Variants in MOCS1 observed in about 807,000 individuals in gnomAD.
MOCS1 encodes molybdenum cofactor biosynthesis protein 1.
A neutral mutation model predicts 57.6 loss-of-function variants in MOCS1; 39 were observed. That is an observed-to-expected ratio of 0.68 (90% confidence interval 0.52 to 0.88). The LOEUF is 0.88. Among genes scored for constraint, MOCS1 ranks in the 40% least tolerant of loss-of-function variants. The pLI, the probability that MOCS1 is intolerant of heterozygous loss-of-function variation, is 0.00. For missense variants in MOCS1, 795 were observed against 831.1 expected (o/e 0.96, Z 0.53); for synonymous variants, 334 against 335.7 (o/e 1.00, Z 0.05).
chr6:39,904,607 G>GA lies in MOCS1; in HGVS notation c.*1749dup. 1 of 454,224 alleles carries GA rather than the reference G, an allele frequency of 2.2e-6. No homozygotes were observed. The highest frequency in any genetic ancestry group is 4.4e-6 in the Non-Finnish European group (1 of 226,902). 28.1% of individuals were successfully genotyped at this position (454,224 alleles called of 1,614,324 possible). On this transcript the variant is annotated 3_prime_UTR_variant, in exon 11 of 11. Coordinates refer to ENST00000340692, the MANE Select transcript of MOCS1 (RefSeq NM_001358530.2). ...TAAAGTGTTTAGGGCAGTGGGAGGA[G>GA]AAAATTCTCCAGGTGAATGGGGAAG...
At position 39,927,432 on chromosome 6, in the gene MOCS1, G is replaced by A; in HGVS notation, c.147C>T (p.Phe49=). 6.2e-7 allele frequency: 1 copy of A among 1,612,308 alleles called. No individual in the cohort carries two copies. The highest frequency in any genetic ancestry group is 1.3e-5 in the African/African-American group (1 of 75,052). Residue 49 remains phenylalanine (F), a synonymous_variant, in exon 2 of 11, where the codon TTC becomes TTT. Coordinates refer to ENST00000340692, the MANE Select transcript of MOCS1 (RefSeq NM_001358530.2). The part of the protein sequence containing the change: ...ASEEVSRRRQ[F]LREHAAPFSA... ...AGAAGGGGGCCGCATGCTCCCGCAG[G>A]AACTGCCTCCGCCTGGACACCTCCT...
At chr6:39,919,517 C>CA (rs55990349) in intron 3 of MOCS1, among the ~76,000 whole-genome samples, 1,906 of 146,670 alleles carry the variant, frequency 0.013, 36 homozygotes, top group African/African-American at 0.041. Flanking sequence ...AAAACAGCAA[C>CA]AAAAAAAAAA....
intron 1 of MOCS1, among the ~76,000 whole-genome samples, chr6:39,929,621 G>A (rs76673001): frequency 0.039 from 5,918 of 151,908 alleles, 224 homozygotes; most frequent in Admixed American, 0.1. Context: ...AAACCTGAGA[G>A]CAAGCAGTGT....
intron 10 of MOCS1, 75 bp from the exon 11 acceptor site, chr6:39,907,192 C>T: frequency 1.4e-6 from 2 of 1,444,176 alleles, no homozygotes; most frequent in East Asian, 2.3e-5. Flanking sequence ...ACTCCCCAAC[C>T]CTCTCCCTAT....
chr6:39,927,192 G>A, intron 2 of MOCS1, 137 bp downstream of exon 2: 2 of 1,128,394 alleles, frequency 1.8e-6, no homozygotes, highest in Non-Finnish European at 1.3e-6. Flanking sequence ...ACCTGGCCTG[G>A]TAAGCAAGGG....
At chr6:39,920,043 C>A (rs1296096714) in intron 3 of MOCS1, among the ~76,000 whole-genome samples, 2 of 151,998 alleles carry the variant, frequency 1.3e-5, no homozygotes, top group Non-Finnish European at 2.9e-5. Context: ...GAGATATTCA[C>A]AACATATATA....
rs1402482152 is a variant in MOCS1, at chr6:39,934,317, TC to T, written c.100del (p.Glu34SerfsTer62). ...GAPVTQPCPG[E>X]SARAASEEVS... ...CACCTCCGAGGCAGCTCGCGCGGACTCCCCGGGGCAGGGCTGGGTCACCGGA... is the reference window on the plus strand; with the variant it reads ...CACCTCCGAGGCAGCTCGCGCGGACTCCCGGGGCAGGGCTGGGTCACCGGA... On this transcript the variant is annotated frameshift_variant, in exon 1 of 11. Coordinates refer to ENST00000340692, the MANE Select transcript of MOCS1 (RefSeq NM_001358530.2). LOFTEE classifies it high-confidence loss of function. 1.3e-6 allele frequency: 2 copies of T among 1,546,934 alleles called. No homozygotes were observed. Among genetic ancestry groups the T allele is most frequent in the Admixed American group, 1.9e-5 (1 of 52,324 alleles).
intron 3 of MOCS1, among the ~76,000 whole-genome samples, chr6:39,920,220 A>C (rs1767888631): frequency 6.6e-6 from 1 of 152,212 alleles, no homozygotes; most frequent in South Asian, 2.1e-4. Context: ...ACAAATTAAG[A>C]CCACAATGAA....
At chr6:39,907,431 C>A (rs928710906) in intron 10 of MOCS1, among the ~76,000 whole-genome samples, 1 of 152,120 alleles carries the variant, frequency 6.6e-6, no homozygotes, top group African/African-American at 2.4e-5. Context: ...TTCTCTCAAG[C>A]AGCACCAAGT....
At chr6:39,927,061 C>G in intron 2 of MOCS1, 1 of 434,338 alleles carries the variant, frequency 2.3e-6, no homozygotes, top group Non-Finnish European at 4.3e-6. Context: ...AATGAGAGGT[C>G]CAGGATCCAA....
intron 3 of MOCS1, among the ~76,000 whole-genome samples, chr6:39,919,607 A>T (rs1245109468): frequency 6.6e-6 from 1 of 152,220 alleles, no homozygotes; most frequent in Non-Finnish European, 1.5e-5. Context: ...GAATAAAAAG[A>T]ACTTGCCCTA....
At chr6:39,916,359 T>G (rs1407887001) in intron 3 of MOCS1, 127 bp from the exon 4 acceptor site, 31 of 1,117,984 alleles carry the variant, frequency 2.8e-5, no homozygotes, top group Middle Eastern at 2.1e-4. Flanking sequence ...CAGACCTATA[T>G]TAACCAGGCC....
rs754726947 is a variant in MOCS1, at chr6:39,906,448, A to G, written c.1820T>C (p.Met607Thr). ...GATGTCCCTGCTGACAGCCTTGCAC[A>G]TGTCATACAGGGTGAGGGCGGCCAC... ...AAVAALTLYD[M>T]CKAVSRDIVL... Residue 607 changes from methionine (M) to threonine (T), a missense_variant, in exon 11 of 11, where the codon ATG becomes ACG. By Grantham distance (81) the Met-to-Thr change is moderately conservative. Transcript: ENST00000340692. 9.3e-6 allele frequency: 15 copies of G among 1,611,230 alleles called. No homozygotes were observed. The highest frequency in any genetic ancestry group is 1.3e-5 in the African/African-American group (1 of 74,950).
chr6:39,927,645 A>G, intron 1 of MOCS1, 190 bp from the exon 2 acceptor site: 2 of 1,587,130 alleles, frequency 1.3e-6, no homozygotes, highest in Non-Finnish European at 1.7e-6. Flanking sequence ...CTTGATGGGA[A>G]GGACCCACCC....
At chr6:39,933,434 T>C (rs1768742207) in intron 1 of MOCS1, among the ~76,000 whole-genome samples, 2 of 151,984 alleles carry the variant, frequency 1.3e-5, no homozygotes, top group Non-Finnish European at 2.9e-5. Flanking sequence ...TTGGCGGAAG[T>C]CATTGAGCAA....
At position 39,905,637 on chromosome 6, in the gene MOCS1, G is replaced by C; in HGVS notation, c.*720C>G. The C allele has an allele frequency of 4.2e-6, 2 of 471,202 alleles. No individual in the cohort carries two copies. The highest frequency in any genetic ancestry group is 8.8e-6 in the Non-Finnish European group (2 of 227,064). 29.2% of individuals were successfully genotyped at this position (471,202 alleles called of 1,614,324 possible). On this transcript the variant is annotated 3_prime_UTR_variant, in exon 11 of 11. Transcript: ENST00000340692. ...AAAGAGGGGTGGGTGGAACAGCCGT[G>C]AACAGGGCCAGGTGTGGGCTGTGTG...
In MOCS1 at chr6:39,906,276, A is replaced by G. The variant is rs762661501; in HGVS notation, c.*81T>C. 1 of 1,560,036 alleles carries G rather than the reference A, an allele frequency of 6.4e-7. No individual in the cohort carries two copies. Among genetic ancestry groups the G allele is most frequent in the Non-Finnish European group, 8.8e-7 (1 of 1,134,410 alleles). On this transcript the variant is annotated 3_prime_UTR_variant, in exon 11 of 11. Transcript: ENST00000340692. ...GGTAAACAAACAGTGACTGTGATTA[A>G]AGGAACCTGACGTCTTTCCCTCAGC... is the stretch of plus-strand genomic sequence containing the variant.
chr6:39,917,989 A>T (rs767359010), intron 3 of MOCS1, among the ~76,000 whole-genome samples: 1 of 152,228 alleles, frequency 6.6e-6, no homozygotes, highest in African/African-American at 2.4e-5. Context: ...ATCCAAGAAG[A>T]TCTAGAGAAA....
intron 3 of MOCS1, among the ~76,000 whole-genome samples, chr6:39,922,006 T>C (rs1767998255): frequency 6.6e-6 from 1 of 152,224 alleles, no homozygotes; most frequent in South Asian, 2.1e-4. Context: ...CCAGCTCATC[T>C]GGCAGTGGCC....
Sources: gnomAD v4.1 joint callset for allele counts (sites outside exome capture counted in the v4.1 genomes callset) on GRCh38, gnomAD v4.1.1 for gene constraint, MANE v1.5 for transcripts, NCBI Gene and HGNC (gene_info 2026-07-23, HGNC 2026-07-21) for gene names.